DMD: variants seen among roughly 807,000 people sequenced by gnomAD.
DMD encodes dystrophin.
In DMD, 63 loss-of-function variants were observed where a neutral mutation model predicts 330.1. The ratio of observed to expected loss-of-function variants is 0.19; its 90% confidence interval spans 0.16 to 0.24. The LOEUF (loss-of-function observed/expected upper bound fraction) is 0.24. Ranked by LOEUF, DMD falls within the 10% of genes least tolerant of loss-of-function variation. The pLI is 1.00. For synonymous variants in DMD, 1,223 were observed against 959.8 expected (o/e 1.27, Z -5.07); for missense variants, 3,344 against 2,684.1 (o/e 1.25, Z -5.43).
At chrX:33,330,472 T>C (rs527282814) in intron 1 of DMD, among the ~76,000 whole-genome samples, 2 of 111,794 alleles carry the variant, frequency 1.8e-5, no homozygotes, top group South Asian at 7.5e-4. Flanking sequence ...CATTTTCAGG[T>C]AGCTTCTAAT....
intron 44 of DMD, among the ~76,000 whole-genome samples, chrX:32,078,659 C>A (rs1279058751): frequency 1.8e-5 from 2 of 111,887 alleles, no homozygotes; most frequent in Admixed American, 1.9e-4. Context: ...GGTACTCCTG[C>A]CTAGAATACT....
At chrX:33,268,770 T>C (rs2053094393) in intron 1 of DMD, among the ~76,000 whole-genome samples, 1 of 109,498 alleles carries the variant, frequency 9.1e-6, no homozygotes, top group Non-Finnish European at 1.9e-5. Context: ...CTAGTAAAAA[T>C]ACAAAAATTA....
intron 26 of DMD, among the ~76,000 whole-genome samples, chrX:32,451,202 G>A (rs1204594827): frequency 1.8e-5 from 2 of 110,640 alleles, no homozygotes; most frequent in Non-Finnish European, 3.8e-5. Context: ...CCTCACCCAA[G>A]ACTCACTGAA....
chrX:31,362,722 A>T (rs925881728), intron 60 of DMD, among the ~76,000 whole-genome samples: 5 of 113,027 alleles, frequency 4.4e-5, no homozygotes, highest in Non-Finnish European at 9.4e-5. Context: ...AGGCTGGTGG[A>T]TCACGAGGTC....
At chrX:32,733,649 C>G (rs770844643) in intron 7 of DMD, among the ~76,000 whole-genome samples, 85 of 111,349 alleles carry the variant, frequency 7.6e-4, no homozygotes, top group African/African-American at 2.5e-3. Context: ...TGAACAACCT[C>G]CTCCTGAATG....
In DMD at chrX:32,173,268, A is replaced by G. The variant is rs189556033; in HGVS notation, c.6438+43648T>C. Among the ~76,000 whole-genome samples, 644 of 110,907 alleles carry G rather than the reference A, an allele frequency of 5.8e-3. 7 individuals carry two copies. Among genetic ancestry groups the G allele is most frequent in the African/African-American group, 0.02 (609 of 30,449 alleles). On this transcript the variant is annotated intron_variant, in intron 44 of 78. Transcript: ENST00000357033. ...GAGGCAGATCACACTCACACATGAC[A>G]TAAGAATCAAGTTTTACTGAAAAAT...
chrX:32,312,400 C>A (rs1284558009), intron 41 of DMD, among the ~76,000 whole-genome samples: 2 of 111,061 alleles, frequency 1.8e-5, no homozygotes, highest in Non-Finnish European at 3.8e-5. Context: ...ATGCTCTCAG[C>A]TATCTTAAAT....
At chrX:32,959,672 C>T (rs1035403550) in intron 2 of DMD, among the ~76,000 whole-genome samples, 5 of 111,120 alleles carry the variant, frequency 4.5e-5, no homozygotes, top group African/African-American at 1.3e-4. Flanking sequence ...CTGGGACAAC[C>T]TACAAGGTTG....
rs139717216 is a variant in DMD at position 31,721,539 on chromosome X, T to C, written c.7660+8092A>G. ...CTGCCAGGCTTTTGGATTTTACAGA[T>C]TTTTGACTTTTCAGCTCCCACAATC... On this transcript the variant is annotated intron_variant, in intron 52 of 78. Transcript: ENST00000357033. Among the ~76,000 whole-genome samples, 197 of 107,685 alleles carry C rather than the reference T, an allele frequency of 1.8e-3. 4 individuals carry two copies. The East Asian group carries it at 0.043, about 23-fold the overall frequency. The allele number at this position is 107,685 out of a possible 115,157, so 93.5% of individuals were successfully genotyped here.
intron 7 of DMD, among the ~76,000 whole-genome samples, chrX:32,772,826 G>A (rs1036603525): frequency 2.7e-5 from 3 of 111,446 alleles, no homozygotes; most frequent in Admixed American, 1.9e-4. Context: ...ATAATTACCC[G>A]TGATGGCTAA....
At chrX:32,447,775 T>C (rs139381451) in intron 27 of DMD, among the ~76,000 whole-genome samples, 1,123 of 111,861 alleles carry the variant, frequency 0.01, 16 homozygotes, top group African/African-American at 0.035. Flanking sequence ...GCACAGTATT[T>C]TCATAAGAAA....
rs1189496669 is a variant in DMD, at chrX:33,026,343, A to G, written c.32-6143T>C. On this transcript the variant is annotated intron_variant, in intron 1 of 78. Transcript: ENST00000357033. ...AAAAAAAAAAAAAAAAAAAAAAAAA[A>G]AAAAGAAAGAAAAGAAAATAAAGAA... 1.4e-4 allele frequency among the ~76,000 whole-genome samples: 14 copies of G among 97,544 alleles called. No homozygotes were observed. In the South Asian group the frequency reaches 5.6e-3, roughly 39 times the overall value. 84.7% of individuals were successfully genotyped at this position (97,544 alleles called of 115,157 possible).
At chrX:32,885,827 G>GAAGAA (rs1557115363) in intron 2 of DMD, among the ~76,000 whole-genome samples, 1 of 64,936 alleles carries the variant, frequency 1.5e-5, no homozygotes, top group Non-Finnish European at 2.8e-5. Flanking sequence ...CCTTGAGGGG[G>GAAGAA]AAAAAAAAAA....
chrX:33,226,794 C>CT (rs746837972), intron 1 of DMD, among the ~76,000 whole-genome samples: 3,563 of 106,891 alleles, frequency 0.033, 159 homozygotes, highest in African/African-American at 0.11. Flanking sequence ...ATCTATCTAT[C>CT]TTTTTTTTTT....
chrX:32,859,512 A>T (rs370169924), intron 2 of DMD, among the ~76,000 whole-genome samples: 1 of 95,379 alleles, frequency 1.0e-5, no homozygotes, highest in African/African-American at 3.8e-5. Flanking sequence ...CACACACACA[A>T]GTTAAAGTCT....
intron 62 of DMD, among the ~76,000 whole-genome samples, chrX:31,311,260 G>A (rs769438587): frequency 1.1e-4 from 12 of 110,514 alleles, no homozygotes; most frequent in African/African-American, 3.0e-4. Flanking sequence ...AATGGGGGGC[G>A]GGGGGTGGTG....
At chrX:32,101,275 G>C in intron 44 of DMD, among the ~76,000 whole-genome samples, 1 of 111,741 alleles carries the variant, frequency 8.9e-6, no homozygotes, top group East Asian at 2.8e-4. Context: ...AGACAGGCCA[G>C]AGTTCAAATA....
At chrX:31,558,324 T>C (rs776886164) in intron 55 of DMD, among the ~76,000 whole-genome samples, 1 of 111,611 alleles carries the variant, frequency 9.0e-6, no homozygotes, top group East Asian at 2.8e-4. Flanking sequence ...TTTCTCTCTC[T>C]TTGGTGTTGA....
intron 2 of DMD, among the ~76,000 whole-genome samples, chrX:32,875,178 G>A (rs964448582): frequency 4.5e-5 from 5 of 111,941 alleles, no homozygotes; most frequent in Non-Finnish European, 3.8e-5. Context: ...CAGCCCTCTC[G>A]ATCGAGACCT....
Sources: allele counts gnomAD v4.1 joint callset (sites outside exome capture counted in the v4.1 genomes callset), GRCh38; gene constraint gnomAD v4.1.1; transcripts MANE v1.5; gene names NCBI Gene and HGNC (gene_info 2026-07-23, HGNC 2026-07-21).